The following LUZP1 variants were observed in gnomAD, a reference collection of about 807,000 sequenced individuals.
The protein encoded by LUZP1 is leucine zipper protein 1.
Under a neutral mutation model 71.3 loss-of-function variants are expected in LUZP1, and 25 were observed. That is an observed-to-expected ratio of 0.35 (90% CI 0.26 to 0.49). LUZP1 has a LOEUF of 0.49. LUZP1 is among the 20% of genes least tolerant of loss of function. LUZP1 has a pLI of 0.99. For missense variants in LUZP1, 1,142 were observed against 1,300.8 expected (o/e 0.88, Z 1.88); for synonymous variants, 481 against 506.4 (o/e 0.95, Z 0.67).
intron 2 of LUZP1, among the ~76,000 whole-genome samples, chr1:23,162,437 C>CTTTTT (rs1557694230): frequency 6.7e-6 from 1 of 149,908 alleles, no homozygotes; most frequent in African/African-American, 2.5e-5. Flanking sequence ...ACGTAATATA[C>CTTTTT]TTTTATTTTT....
intron 2 of LUZP1, among the ~76,000 whole-genome samples, chr1:23,144,652 T>A (rs1047655869): frequency 5.3e-5 from 8 of 152,070 alleles, no homozygotes; most frequent in Non-Finnish European, 1.2e-4. Flanking sequence ...ATAAGAAATA[T>A]GCAGTAACAT....
At chr1:23,092,257 C>T (rs765924801) in exon 4 of LUZP1, 2 of 1,614,170 alleles carry the variant, frequency 1.2e-6, no homozygotes, top group Non-Finnish European at 1.7e-6. Context: ...TTGGCAGTAA[C>T]AAGAGATGCT....
rs751735304 is a variant in LUZP1, at chr1:23,093,968, C to G, written c.294G>C (p.Glu98Asp). 2.5e-6 allele frequency: 4 copies of G among 1,614,174 alleles called. No individual in the cohort carries two copies. In the South Asian group the frequency reaches 4.4e-5, roughly 18 times the overall value. ...TCAGCTCCCGGGTGAGGTTTTCTTCCTCTTCAAGTTTCTCCTTCATCAGAC... is the reference window on the plus strand; with the variant it reads ...TCAGCTCCCGGGTGAGGTTTTCTTCGTCTTCAAGTTTCTCCTTCATCAGAC... Residue 98 changes from glutamate (E) to aspartate (D), a missense_variant, in exon 4 of 5, where the codon GAG (glutamate) becomes GAC (aspartate). Coordinates refer to ENST00000302291, the Ensembl canonical transcript of LUZP1. This position sits in a 1 kb window ranked among gnomAD's most constrained non-coding sequence, Gnocchi z 4.2.
chr1:23,110,457 T>C (rs1343678739), intron 2 of LUZP1, among the ~76,000 whole-genome samples: 1 of 152,110 alleles, frequency 6.6e-6, no homozygotes, highest in East Asian at 1.9e-4. Flanking sequence ...TTGTACATGA[T>C]CTTACAAACT....
intron 2 of LUZP1, among the ~76,000 whole-genome samples, chr1:23,143,798 G>A (rs1644323104): frequency 6.6e-6 from 1 of 152,172 alleles, no homozygotes; most frequent in Admixed American, 6.5e-5. Flanking sequence ...ACAACCCTAA[G>A]AACTAGGTAT....
At chr1:23,090,024 C>T (rs1253856134) in intron 4 of LUZP1, among the ~76,000 whole-genome samples, 4 of 152,198 alleles carry the variant, frequency 2.6e-5, no homozygotes, top group Non-Finnish European at 5.9e-5. Context: ...TCCCAAAGTG[C>T]TGGGATTACA....
In LUZP1 at chr1:23,168,563, A is replaced by G. The variant is rs997595749; in HGVS notation, c.-226+203T>C. ...CAAACATGTGCTGGGTCTCGCCCCA[A>G]AAGGTCTCCTCCTGAGCCCTTCCTC... On this transcript the variant is annotated intron_variant, in intron 2 of 4. Coordinates refer to ENST00000302291, the Ensembl canonical transcript of LUZP1. Among the ~76,000 whole-genome samples the G allele has an allele frequency of 1.2e-4, 18 of 147,418 alleles. 1 individual carries two copies. The highest frequency in any genetic ancestry group is 1.8e-4 in the Non-Finnish European group (12 of 67,192).
chr1:23,142,734 C>T (rs1056608097), intron 2 of LUZP1, among the ~76,000 whole-genome samples: 2 of 111,066 alleles, frequency 1.8e-5, no homozygotes, highest in Non-Finnish European at 3.9e-5. Context: ...CACACACACA[C>T]ACACACACAC....
chr1:23,095,352 T>C (rs976733353), intron 3 of LUZP1, among the ~76,000 whole-genome samples: 7 of 152,196 alleles, frequency 4.6e-5, no homozygotes, highest in Non-Finnish European at 7.3e-5. Flanking sequence ...AAACCTCTAA[T>C]ACTATAAAAC....
chr1:23,152,898 G>A (rs1644395158), intron 2 of LUZP1, among the ~76,000 whole-genome samples: 1 of 151,986 alleles, frequency 6.6e-6, no homozygotes, highest in Non-Finnish European at 1.5e-5. Flanking sequence ...ACGTTATTAA[G>A]TCCCATCTCT....
chr1:23,162,900 G>A (rs1023161602), intron 2 of LUZP1: 2 of 152,092 alleles, frequency 1.3e-5, no homozygotes, highest in Non-Finnish European at 2.9e-5. Flanking sequence ...CCGGGTAGAA[G>A]CTTTCAGAGG....
At chr1:23,147,400 C>T (rs1251230288) in intron 2 of LUZP1, among the ~76,000 whole-genome samples, 1 of 149,528 alleles carries the variant, frequency 6.7e-6, no homozygotes, top group African/African-American at 2.5e-5. Flanking sequence ...GAGATCGCAC[C>T]ACTGCACTTC....
chr1:23,092,709 G>C (rs1281526060), exon 4 of LUZP1: 2 of 1,614,118 alleles, frequency 1.2e-6, no homozygotes, highest in Non-Finnish European at 1.7e-6. Flanking sequence ...ACTGGGAACA[G>C]ATCCATGGGT....
chr1:23,115,698 G>A (rs918861171), intron 2 of LUZP1, among the ~76,000 whole-genome samples: 4 of 152,020 alleles, frequency 2.6e-5, no homozygotes, highest in Non-Finnish European at 4.4e-5. Context: ...ATGCCACCAC[G>A]CCCAGCTAAT....
intron 2 of LUZP1, among the ~76,000 whole-genome samples, chr1:23,132,762 T>C (rs1339281533): frequency 2.0e-5 from 3 of 152,210 alleles, no homozygotes; most frequent in Non-Finnish European, 2.9e-5. Flanking sequence ...TGACAATTAC[T>C]GAATTCCAAT....
chr1:23,144,438 G>A (rs913542993), intron 2 of LUZP1, among the ~76,000 whole-genome samples: 21 of 152,180 alleles, frequency 1.4e-4, no homozygotes, highest in African/African-American at 4.6e-4. Context: ...CACAACAAAA[G>A]AGTGGGATTC....
At chr1:23,156,433 A>G (rs66692403) in intron 2 of LUZP1, among the ~76,000 whole-genome samples, 26,436 of 152,152 alleles carry the variant, frequency 0.17, 2,373 homozygotes, top group East Asian at 0.27. Context: ...AATACATTTC[A>G]CCCTTTAATT....
chr1:23,150,527 C>T (rs1026978057), intron 2 of LUZP1, among the ~76,000 whole-genome samples: 1 of 152,124 alleles, frequency 6.6e-6, no homozygotes, highest in African/African-American at 2.4e-5. Context: ...CACATTTGTG[C>T]ACAGGTTCTA....
At chr1:23,110,492 G>A (rs1005543268) in intron 2 of LUZP1, among the ~76,000 whole-genome samples, 1 of 152,030 alleles carries the variant, frequency 6.6e-6, no homozygotes, top group Non-Finnish European at 1.5e-5. Context: ...CATCACAACT[G>A]CCTCCCTTAC....
Sources: gnomAD v4.1 joint callset for allele counts (sites outside exome capture counted in the v4.1 genomes callset) on GRCh38, gnomAD v4.1.1 for gene constraint, Gnocchi (gnomAD v3.1) non-coding constraint, MANE v1.5 for transcripts, NCBI Gene and HGNC (gene_info 2026-07-23, HGNC 2026-07-21) for gene names.